Variants in SCAI observed in about 807,000 individuals in gnomAD.
SCAI encodes suppressor of cancer cell invasion.
SCAI carries 24 observed loss-of-function variants against 92.2 expected under a neutral mutation model. The observed-to-expected ratio is 0.26, with a 90% CI of 0.19 to 0.37. The LOEUF is 0.37. SCAI is among the 10% of genes least tolerant of loss of function. The pLI is 1.00. For missense variants in SCAI, 450 were observed against 736.2 expected (o/e 0.61, Z 4.50); for synonymous variants, 261 against 258.6 (o/e 1.01, Z -0.09).
At chr9:125,133,420 A>C (rs1835447047) in intron 2 of SCAI, among the ~76,000 whole-genome samples, 1 of 152,236 alleles carries the variant, frequency 6.6e-6, no homozygotes, top group African/African-American at 2.4e-5. Flanking sequence ...TGCTTTTTTA[A>C]ATTTTGTTTT....
chr9:125,101,491 A>C (rs945391528), intron 2 of SCAI, among the ~76,000 whole-genome samples: 5 of 152,240 alleles, frequency 3.3e-5, no homozygotes, highest in Non-Finnish European at 7.3e-5. Context: ...TGATCTGAGC[A>C]ACTGGAAGGA....
intron 2 of SCAI, among the ~76,000 whole-genome samples, chr9:125,103,126 T>C (rs1156513627): frequency 6.6e-6 from 1 of 152,150 alleles, no homozygotes; most frequent in Non-Finnish European, 1.5e-5. Flanking sequence ...CTACCTGACA[T>C]CACCTAGTGC....
chr9:124,955,276 A>T (rs1420619463), intron 17 of SCAI, among the ~76,000 whole-genome samples: 59 of 152,212 alleles, frequency 3.9e-4, no homozygotes, highest in Non-Finnish European at 4.4e-5. Context: ...AAAGAATAAT[A>T]AAGTATGAAT....
chr9:125,124,848 A>G (rs1009362318), intron 2 of SCAI, among the ~76,000 whole-genome samples: 9 of 152,218 alleles, frequency 5.9e-5, no homozygotes, highest in African/African-American at 2.2e-4. Flanking sequence ...CTGGTGAGAG[A>G]GAGCAGGCAG....
intron 2 of SCAI, among the ~76,000 whole-genome samples, chr9:125,102,457 C>T (rs1169163663): frequency 6.6e-6 from 1 of 152,244 alleles, no homozygotes; most frequent in Middle Eastern, 3.4e-3. Flanking sequence ...GCTCCTCCAG[C>T]CACCACCTGT....
In SCAI at chr9:124,944,286, A is replaced by T. The variant is rs1180066211; in HGVS notation, c.*8521T>A. ...TAACAAAAACCATTCTTCAGGAAAT[A>T]GTAATAAAAATTCCTTTTTTTTTTT... is the stretch of plus-strand genomic sequence containing the variant. On this transcript the variant is annotated 3_prime_UTR_variant, in exon 18 of 18. Coordinates refer to ENST00000336505, the MANE Select transcript of SCAI (RefSeq NM_001144877.3). 6.6e-6 allele frequency: 1 copy of T among 151,736 alleles called. No individual in the cohort carries two copies. The highest frequency in any genetic ancestry group is 1.5e-5 in the Non-Finnish European group (1 of 67,920). 9.4% of individuals were successfully genotyped at this position (151,736 alleles called of 1,614,324 possible). A position where few individuals can be genotyped will look rare whatever the true frequency, so the allele number is the denominator to read the frequency against.
chr9:125,011,102 T>G (rs534894193), intron 9 of SCAI, among the ~76,000 whole-genome samples: 150 of 152,132 alleles, frequency 9.9e-4, no homozygotes, highest in Admixed American at 3.3e-3. Context: ...GCAGAAAAAC[T>G]GGAAACTCTA....
At chr9:125,009,344 A>G (rs1046449095) in intron 9 of SCAI, among the ~76,000 whole-genome samples, 6 of 152,164 alleles carry the variant, frequency 3.9e-5, no homozygotes, top group Admixed American at 1.3e-4. Context: ...ATCTGGGCTC[A>G]CTGCAGCCTC....
In SCAI at chr9:125,003,123, C is replaced by A. The variant is rs137882697; in HGVS notation, c.1056G>T (p.Ala352=). ...ACTGGATCACACATACCTTAAAAGA[C>A]GCTGCTAAGAAGGTATATAGCTGGC... ...TFSQLYTFLA[A]SFKELPANSV... The change falls in exon 11 of 18, where the codon GCG becomes GCT. Residue 352 remains alanine (A), a synonymous_variant. Transcript: ENST00000336505. 1.9e-6 allele frequency: 3 copies of A among 1,608,720 alleles called. No homozygotes were observed. The highest frequency in any genetic ancestry group is 2.6e-6 in the Non-Finnish European group (3 of 1,175,168).
chr9:124,978,458 C>G lies in SCAI; in HGVS notation c.1327-2272G>C, dbSNP rs1309702289. On this transcript the variant is annotated intron_variant, in intron 14 of 17. Transcript: ENST00000336505. ...TCCATCTCAAAATTCCATTTTTACC[C>G]TATCAGTTAAGCAAAATTTCTAAAA... 2.0e-5 allele frequency among the ~76,000 whole-genome samples: 3 copies of G among 152,106 alleles called. No homozygotes were observed. In the South Asian group the frequency reaches 6.2e-4, roughly 32 times the overall value.
chr9:125,093,860 G>A (rs1015072917), intron 2 of SCAI, among the ~76,000 whole-genome samples: 11 of 151,590 alleles, frequency 7.3e-5, no homozygotes, highest in African/African-American at 2.4e-5. Flanking sequence ...CACCGTGCCC[G>A]GCCGACACCT....
intron 2 of SCAI, among the ~76,000 whole-genome samples, chr9:125,062,074 C>T (rs1335966472): frequency 6.6e-6 from 1 of 150,806 alleles, no homozygotes; most frequent in African/African-American, 2.4e-5. Context: ...CTGAAAGTGA[C>T]AAAAATAATA....
At chr9:125,056,045 A>C (rs1833657643) in intron 2 of SCAI, 38 bp from the exon 3 acceptor site, 1 of 1,515,732 alleles carries the variant, frequency 6.6e-7, no homozygotes, top group South Asian at 1.2e-5. Context: ...CAGGAGGTAA[A>C]AATAAAAATA....
At chr9:125,140,267 C>T (rs983092352) in intron 2 of SCAI, among the ~76,000 whole-genome samples, 8 of 152,096 alleles carry the variant, frequency 5.3e-5, no homozygotes, top group Admixed American at 1.3e-4. Flanking sequence ...GTGGCTCACA[C>T]CTGTAATCCC....
At chr9:125,128,353 C>T (rs1835320078) in intron 2 of SCAI, among the ~76,000 whole-genome samples, 1 of 151,832 alleles carries the variant, frequency 6.6e-6, no homozygotes, top group Non-Finnish European at 1.5e-5. Context: ...GGTGCGGTGG[C>T]CCACACTTGT....
intron 2 of SCAI, among the ~76,000 whole-genome samples, chr9:125,075,589 G>T (rs1834072143): frequency 6.8e-6 from 1 of 146,644 alleles, no homozygotes; most frequent in Non-Finnish European, 1.5e-5. Context: ...TTTTCGAGAT[G>T]GAGTTTCGCT....
At chr9:125,022,570 C>A (rs1832890626) in intron 6 of SCAI, among the ~76,000 whole-genome samples, 1 of 152,088 alleles carries the variant, frequency 6.6e-6, no homozygotes, top group Non-Finnish European at 1.5e-5. Flanking sequence ...TGCCACCATG[C>A]CTGGGTAATT....
chr9:124,967,094 T>TAA lies in SCAI; in HGVS notation c.1674+4274_1674+4275dup, dbSNP rs1831556328. On this transcript the variant is annotated intron_variant, in intron 17 of 17. Coordinates refer to ENST00000336505, the MANE Select transcript of SCAI (RefSeq NM_001144877.3). ...TCCTGGAGCCTTGTTGCTTCATGTATAAAGTGCAGGTCAGTAAAAATTAAA... is the reference window on the plus strand; with the variant it reads ...TCCTGGAGCCTTGTTGCTTCATGTATAAAAAGTGCAGGTCAGTAAAAATTAAA... Among the ~76,000 whole-genome samples the TAA allele has an allele frequency of 4.6e-5, 7 of 152,320 alleles. 1 individual carries two copies. In the South Asian group the frequency reaches 1.4e-3, roughly 32 times the overall value.
rs1033667693 is a variant in SCAI at position 125,008,080 on chromosome 9, T to C, written c.862-4510A>G. 3.4e-5 allele frequency among the ~76,000 whole-genome samples: 5 copies of C among 145,318 alleles called. No individual in the cohort carries two copies. In the South Asian group the frequency reaches 9.1e-4, roughly 27 times the overall value. On this transcript the variant is annotated intron_variant, in intron 9 of 17. Coordinates refer to ENST00000336505, the MANE Select transcript of SCAI (RefSeq NM_001144877.3). Reference sequence around the variant, plus strand: ...CAGGATGGTCTCGATCTCCCGACCTTGTGATCCGCCCGCCTCGGCCTCCCA... The same window carrying C: ...CAGGATGGTCTCGATCTCCCGACCTCGTGATCCGCCCGCCTCGGCCTCCCA...
Sources: allele counts gnomAD v4.1 joint callset (sites outside exome capture counted in the v4.1 genomes callset), GRCh38; gene constraint gnomAD v4.1.1; transcripts MANE v1.5; gene names NCBI Gene and HGNC (gene_info 2026-07-23, HGNC 2026-07-21).